The following SSUH2 variants were observed in gnomAD, a reference collection of about 807,000 sequenced individuals.
SSUH2 encodes the protein ssu-2 homolog.
In SSUH2, 47 loss-of-function variants were observed where a neutral mutation model predicts 55.3. The observed-to-expected ratio is 0.85, with a 90% CI of 0.67 to 1.08. The LOEUF (loss-of-function observed/expected upper bound fraction) is 1.08. SSUH2 is among the 50% of genes least tolerant of loss of function. SSUH2 has a pLI of 0.00. For missense variants in SSUH2, 535 were observed against 490.7 expected, an observed-to-expected ratio of 1.09 and a Z score of -0.85; for synonymous variants, 212 against 191.5, an observed-to-expected ratio of 1.11 and a Z score of -0.89.
intron 3 of SSUH2, among the ~76,000 whole-genome samples, chr3:8,674,780 T>G: frequency 6.6e-6 from 1 of 152,052 alleles, no homozygotes; most frequent in Middle Eastern, 3.2e-3. Context: ...TTATGACCCT[T>G]ACGGTCCCCC....
chr3:8,676,949 G>T (rs1369386663), intron 3 of SSUH2, among the ~76,000 whole-genome samples: 3 of 145,006 alleles, frequency 2.1e-5, no homozygotes, highest in Non-Finnish European at 4.6e-5. Flanking sequence ...AGTACGGGGG[G>T]AAGGCATCCC....
At chr3:8,661,497 C>T (rs1028641894) in intron 6 of SSUH2, among the ~76,000 whole-genome samples, 2 of 152,154 alleles carry the variant, frequency 1.3e-5, no homozygotes, top group African/African-American at 4.8e-5. Context: ...CTGTCAGGAA[C>T]TGTGAAGGCA....
At chr3:8,668,819 A>C (rs1447745379) in intron 5 of SSUH2, among the ~76,000 whole-genome samples, 1 of 152,244 alleles carries the variant, frequency 6.6e-6, no homozygotes, top group African/African-American at 2.4e-5. Context: ...TGTGATCGAA[A>C]AAAAAGAAAC....
chr3:8,661,312 C>A (rs1295138327), intron 6 of SSUH2, among the ~76,000 whole-genome samples: 1 of 152,250 alleles, frequency 6.6e-6, no homozygotes, highest in African/African-American at 2.4e-5. Context: ...TGCCCAACAA[C>A]TGTCTTTTCC....
intron 5 of SSUH2, among the ~76,000 whole-genome samples, chr3:8,665,439 C>G (rs1219981981): frequency 6.6e-6 from 1 of 152,192 alleles, no homozygotes; most frequent in East Asian, 1.9e-4. Flanking sequence ...TCTGCAGTCT[C>G]TGTCCCTCAG....
intron 2 of SSUH2, among the ~76,000 whole-genome samples, chr3:8,678,955 G>GGATCCAAGGT (rs1705696019): frequency 1.0e-5 from 1 of 95,360 alleles, no homozygotes; most frequent in Non-Finnish European, 2.4e-5. Flanking sequence ...CCTGGCTCTT[G>GGATCCAAGGT]GGACGCCCAT....
intron 1 of SSUH2, among the ~76,000 whole-genome samples, chr3:8,642,263 C>G (rs1700978680): frequency 2.0e-5 from 3 of 152,168 alleles, no homozygotes; most frequent in Admixed American, 2.0e-4. Flanking sequence ...TGCTAGGACA[C>G]TGCACTTTAA....
intron 1 of SSUH2, among the ~76,000 whole-genome samples, chr3:8,642,725 A>T (rs1701063757): frequency 6.6e-6 from 1 of 152,226 alleles, no homozygotes; most frequent in Non-Finnish European, 1.5e-5. Flanking sequence ...ATGGGACAAC[A>T]CTATAGTGCC....
At position 8,626,210 on chromosome 3, in the gene SSUH2, T is replaced by C. The variant is rs355058; in HGVS notation, c.767+19A>G. The C allele has an allele frequency of 0.79, 1,271,305 of 1,606,986 alleles. 505,218 individuals carry two copies. The highest frequency in any genetic ancestry group is 1 in the East Asian group (44,795 of 44,850). ...TCAGCCACCCCCGCATGCCACAGCA[T>C]TGAGACACTGCCACATACCACATGA... On this transcript the variant is annotated intron_variant, in intron 9 of 11. Transcript: ENST00000544814.
chr3:8,676,069 C>T (rs1705221459), intron 3 of SSUH2, among the ~76,000 whole-genome samples: 1 of 152,122 alleles, frequency 6.6e-6, no homozygotes, highest in Non-Finnish European at 1.5e-5. Flanking sequence ...AAAGGCCCCC[C>T]ATGCTGTGGT....
Position 8,623,600 on chromosome 3 carries a change from GC to G in SSUH2, c.929del (p.Gly310AlafsTer24). On this transcript the variant is annotated frameshift_variant, in exon 11 of 12. Coordinates refer to ENST00000544814, the MANE Select transcript of SSUH2 (RefSeq NM_001256748.3). LOFTEE classifies it high-confidence loss of function. ...LRDISLASQR[G>X]IAEHSAALAS... ...CCAAGGCAGCGCTGTGCTCTGCAAT[GC>G]CCCTCTGGGAGGCAAGAGAGATGTC... 1 of 1,548,818 alleles carries G rather than the reference GC, an allele frequency of 6.5e-7. No individual in the cohort carries two copies. Among genetic ancestry groups the G allele is most frequent in the Non-Finnish European group, 8.7e-7 (1 of 1,144,796 alleles).
upstream of SSUH2, among the ~76,000 whole-genome samples, chr3:8,647,232 G>C (rs1424688758): frequency 6.6e-6 from 1 of 152,218 alleles, no homozygotes; most frequent in Non-Finnish European, 1.5e-5. Flanking sequence ...ATGTGGGAAG[G>C]CAGCAGCAGA....
At chr3:8,646,924 G>A (rs370645036), upstream of SSUH2, among the ~76,000 whole-genome samples, 14 of 152,332 alleles carry the variant, frequency 9.2e-5, no homozygotes, top group African/African-American at 1.9e-4. Flanking sequence ...ACTGGCCCTC[G>A]TGTCCTGCAT....
chr3:8,660,332 T>C (rs1362721052), intron 6 of SSUH2, among the ~76,000 whole-genome samples: 2 of 152,140 alleles, frequency 1.3e-5, no homozygotes, highest in African/African-American at 4.8e-5. Context: ...GGAGCCAAGA[T>C]CAACACCCTG....
At chr3:8,681,605 C>T (rs540452812) in intron 1 of SSUH2, among the ~76,000 whole-genome samples, 2 of 151,258 alleles carry the variant, frequency 1.3e-5, no homozygotes, top group African/African-American at 2.4e-5. Flanking sequence ...CACTCTTTTC[C>T]CCCGGCTCTT....
At chr3:8,638,431 G>A (rs757329356) in intron 1 of SSUH2, among the ~76,000 whole-genome samples, 3 of 152,208 alleles carry the variant, frequency 2.0e-5, no homozygotes, top group Non-Finnish European at 2.9e-5. Context: ...TTTCATAGAC[G>A]TAGAGTGCCT....
chr3:8,632,951 CCT>C (rs891582527), intron 4 of SSUH2, among the ~76,000 whole-genome samples: 1 of 152,172 alleles, frequency 6.6e-6, no homozygotes, highest in Non-Finnish European at 1.5e-5. Context: ...TTGAATCTCA[CCT>C]CTGTCACTTC....
At chr3:8,679,346 C>T (rs538621128) in intron 2 of SSUH2, among the ~76,000 whole-genome samples, 1 of 82,138 alleles carries the variant, frequency 1.2e-5, no homozygotes, top group African/African-American at 3.5e-5. Flanking sequence ...GCCCCTTGCT[C>T]TTCCGACCCC....
At chr3:8,666,105 T>A (rs1411051447) in intron 5 of SSUH2, among the ~76,000 whole-genome samples, 1 of 152,098 alleles carries the variant, frequency 6.6e-6, no homozygotes, top group Non-Finnish European at 1.5e-5. Flanking sequence ...CCTTATGGAG[T>A]TTCAAATGTG....
Sources: gnomAD v4.1 joint callset for allele counts (sites outside exome capture counted in the v4.1 genomes callset) on GRCh38, gnomAD v4.1.1 for gene constraint, MANE v1.5 for transcripts, NCBI Gene and HGNC (gene_info 2026-07-23, HGNC 2026-07-21) for gene names.